DGKB: variants seen among roughly 807,000 people sequenced by gnomAD.
DGKB encodes the protein 90 kDa diacylglycerol kinase.
Under a neutral mutation model 114.3 loss-of-function variants are expected in DGKB, and 67 were observed. The observed-to-expected ratio is 0.59, with a 90% CI of 0.48 to 0.72. The LOEUF (loss-of-function observed/expected upper bound fraction) is 0.72, where lower values mean the gene tolerates loss of function less well. Ranked by LOEUF, DGKB falls within the 30% of genes least tolerant of loss-of-function variation. The pLI is 0.00. For synonymous variants in DGKB, 398 were observed against 323.1 expected, an observed-to-expected ratio of 1.23 and a Z score of -2.49; for missense variants, 907 against 975.2, an observed-to-expected ratio of 0.93 and a Z score of 0.93.
intron 1 of DGKB, among the ~76,000 whole-genome samples, chr7:14,889,023 A>G (rs1780751250): frequency 6.6e-6 from 1 of 151,626 alleles, no homozygotes; most frequent in African/African-American, 2.4e-5. Flanking sequence ...TTAAAAAAGC[A>G]GCTAGAAGTG....
At chr7:14,406,288 T>G (rs772835317) in intron 21 of DGKB, among the ~76,000 whole-genome samples, 6 of 151,936 alleles carry the variant, frequency 3.9e-5, no homozygotes, top group Non-Finnish European at 1.5e-5. Flanking sequence ...GGTAAGAAAT[T>G]GACTTGAGAG....
At chr7:14,261,297 C>G (rs1796743496) in intron 23 of DGKB, among the ~76,000 whole-genome samples, 1 of 149,884 alleles carries the variant, frequency 6.7e-6, no homozygotes, top group Admixed American at 6.6e-5. Context: ...AATAAAATAA[C>G]TAGTGTTTTA....
chr7:14,874,108 G>A (rs570023028), intron 1 of DGKB, among the ~76,000 whole-genome samples: 1 of 152,100 alleles, frequency 6.6e-6, no homozygotes, highest in African/African-American at 2.4e-5. Flanking sequence ...GATGAAGAAG[G>A]GATGTACTCA....
upstream of DGKB, among the ~76,000 whole-genome samples, chr7:14,907,354 T>A (rs563830885): frequency 1.3e-5 from 2 of 152,310 alleles, no homozygotes; most frequent in African/African-American, 4.8e-5. Flanking sequence ...GTGCTTCAAT[T>A]CCCAGCTAGG....
Position 14,928,608 on chromosome 7 carries a change from C to T in DGKB, c.-188+46088G>A, listed in dbSNP as rs374634742. Among the ~76,000 whole-genome samples, 17 of 152,024 alleles carry T rather than the reference C, an allele frequency of 1.1e-4. No homozygotes were observed. The South Asian group carries it at 3.1e-3, about 28-fold the overall frequency. ...TTTTAAGAATGTCATCAGTGACCTCCTGTCAAAACAGAATCACACAGTTTC... is the reference window on the plus strand; with the variant it reads ...TTTTAAGAATGTCATCAGTGACCTCTTGTCAAAACAGAATCACACAGTTTC... On this transcript the variant is annotated intron_variant, in intron 1 of 4. Coordinates refer to the DGKB transcript ENST00000437998.
chr7:14,232,438 CTATTAT>C (rs1288065882), intron 23 of DGKB, among the ~76,000 whole-genome samples: 4 of 149,358 alleles, frequency 2.7e-5, no homozygotes, highest in Non-Finnish European at 5.9e-5. Context: ...ATTATTATTA[CTATTAT>C]TATTATTATT....
intron 23 of DGKB, among the ~76,000 whole-genome samples, chr7:14,284,157 C>G (rs891986477): frequency 6.6e-5 from 10 of 151,802 alleles, no homozygotes; most frequent in Middle Eastern, 3.4e-3. Flanking sequence ...TGAACTCAAA[C>G]AAATTTACAA....
chr7:14,530,816 A>G (rs958550279), intron 20 of DGKB, among the ~76,000 whole-genome samples: 2 of 151,722 alleles, frequency 1.3e-5, no homozygotes, highest in East Asian at 1.9e-4. Context: ...GTCATTTTCT[A>G]TAAGACAAAG....
intron 2 of DGKB, among the ~76,000 whole-genome samples, chr7:14,813,326 T>C (rs903716842): frequency 2.0e-5 from 3 of 152,208 alleles, no homozygotes; most frequent in Non-Finnish European, 2.9e-5. Context: ...ACTACTCTCC[T>C]ATTTAGTATA....
At chr7:14,255,340 A>G (rs767639072) in intron 23 of DGKB, among the ~76,000 whole-genome samples, 10 of 152,232 alleles carry the variant, frequency 6.6e-5, no homozygotes, top group Non-Finnish European at 1.0e-4. Flanking sequence ...GCTACTACAC[A>G]TAATGCAATC....
At chr7:14,798,360 C>A (rs947898174) in intron 2 of DGKB, among the ~76,000 whole-genome samples, 2 of 152,158 alleles carry the variant, frequency 1.3e-5, no homozygotes, top group African/African-American at 4.8e-5. Context: ...CTCCCATAAG[C>A]TATTTTGCCC....
At chr7:14,174,502 C>T (rs951394389) in intron 25 of DGKB, among the ~76,000 whole-genome samples, 1 of 151,998 alleles carries the variant, frequency 6.6e-6, no homozygotes, top group Non-Finnish European at 1.5e-5. Flanking sequence ...TGAGAAGAGT[C>T]CAAAATAATA....
At chr7:14,648,409 C>T (rs374676382) in intron 13 of DGKB, among the ~76,000 whole-genome samples, 44 of 152,244 alleles carry the variant, frequency 2.9e-4, no homozygotes, top group East Asian at 5.8e-4. Flanking sequence ...GGGCAGGGTA[C>T]TCCAACAGAC....
Position 14,475,382 on chromosome 7 carries a change from A to G in DGKB, c.1835+2779T>C, listed in dbSNP as rs1782015193. On this transcript the variant is annotated intron_variant, in intron 21 of 25. Transcript: ENST00000402815. ...CACAGAAATTCATCAGAAAATGTTC[A>G]TATCCTGAATATATCACATTATGGT... Among the ~76,000 whole-genome samples, 4 of 152,312 alleles carry G rather than the reference A, an allele frequency of 2.6e-5. No individual in the cohort carries two copies. The South Asian group carries it at 8.3e-4, about 32-fold the overall frequency.
chr7:14,503,771 T>A (rs904736934), intron 20 of DGKB, among the ~76,000 whole-genome samples: 3 of 152,062 alleles, frequency 2.0e-5, no homozygotes, highest in African/African-American at 4.8e-5. Context: ...TTTAAGACAA[T>A]TTCCTATAGT....
At chr7:14,532,668 A>T (rs531645690) in intron 20 of DGKB, among the ~76,000 whole-genome samples, 86 of 151,744 alleles carry the variant, frequency 5.7e-4, no homozygotes, top group South Asian at 1.0e-3. Flanking sequence ...GAAATGAAAA[A>T]TAGACAATTT....
intron 5 of DGKB, among the ~76,000 whole-genome samples, chr7:14,731,685 A>G (rs577660119): frequency 6.6e-6 from 1 of 152,308 alleles, no homozygotes; most frequent in African/African-American, 2.4e-5. Flanking sequence ...AGCCTCAACC[A>G]TCTTTCTGCA....
At chr7:14,951,496 G>T (rs1243406004) in intron 1 of DGKB, among the ~76,000 whole-genome samples, 1 of 151,970 alleles carries the variant, frequency 6.6e-6, no homozygotes, top group African/African-American at 2.4e-5. Context: ...GAGGTTTGGG[G>T]ATAAGATGGA....
At chr7:14,272,532 G>A (rs1167021025) in intron 23 of DGKB, among the ~76,000 whole-genome samples, 1 of 152,146 alleles carries the variant, frequency 6.6e-6, no homozygotes, top group Non-Finnish European at 1.5e-5. Context: ...CTTTGAAGAA[G>A]CTATGCACAT....
Sources: gnomAD v4.1 joint callset for allele counts (sites outside exome capture counted in the v4.1 genomes callset) on GRCh38, gnomAD v4.1.1 for gene constraint, MANE v1.5 for transcripts, NCBI Gene and HGNC (gene_info 2026-07-23, HGNC 2026-07-21) for gene names.